Variants in LSAMP observed in about 807,000 individuals in gnomAD.
LSAMP encodes limbic system-associated membrane protein.
Under a neutral mutation model 38.6 loss-of-function variants are expected in LSAMP, and 7 were observed. That is an observed-to-expected ratio of 0.18 (90% CI 0.10 to 0.34). The LOEUF is 0.34. Among genes scored for constraint, LSAMP ranks in the 10% least tolerant of loss-of-function variants. LSAMP has a pLI of 1.00. For synonymous variants in LSAMP, 154 were observed against 166.8 expected (o/e 0.92, Z 0.59); for missense variants, 313 against 420.0 (o/e 0.75, Z 2.23).
At chr3:115,961,827 A>C (rs1938635788) in intron 3 of LSAMP, among the ~76,000 whole-genome samples, 1 of 152,170 alleles carries the variant, frequency 6.6e-6, no homozygotes, top group Admixed American at 6.5e-5. Flanking sequence ...CGCTGACAAC[A>C]ATAATCAGCA....
intron 1 of LSAMP, among the ~76,000 whole-genome samples, chr3:116,257,439 T>C (rs2046766295): frequency 6.6e-6 from 1 of 152,178 alleles, no homozygotes; most frequent in African/African-American, 2.4e-5. Flanking sequence ...TTGGATAGTT[T>C]TCTTGAGCAG....
At chr3:115,979,469 C>T (rs1939294421) in intron 3 of LSAMP, among the ~76,000 whole-genome samples, 1 of 152,040 alleles carries the variant, frequency 6.6e-6, no homozygotes. Flanking sequence ...GAGTTAGATA[C>T]AAGTATTGCT....
chr3:116,243,665 A>G (rs370863359), intron 1 of LSAMP, among the ~76,000 whole-genome samples: 8 of 152,296 alleles, frequency 5.3e-5, no homozygotes, highest in East Asian at 3.9e-4. Context: ...CAGCCATTCA[A>G]TTTGAAGAGA....
chr3:116,180,452 G>A (rs1035229010), intron 1 of LSAMP, among the ~76,000 whole-genome samples: 1 of 151,684 alleles, frequency 6.6e-6, no homozygotes, highest in Non-Finnish European at 1.5e-5. Context: ...TACCTGTTAC[G>A]GTGAGGAAAA....
At chr3:116,215,343 C>T (rs13316221) in intron 1 of LSAMP, among the ~76,000 whole-genome samples, 2,268 of 152,054 alleles carry the variant, frequency 0.015, 28 homozygotes, top group Middle Eastern at 0.027. Flanking sequence ...AACATGAGAC[C>T]GATTTCTGGC....
chr3:116,390,016 C>T (rs1044461999), intron 1 of LSAMP, among the ~76,000 whole-genome samples: 2 of 152,010 alleles, frequency 1.3e-5, no homozygotes, highest in Non-Finnish European at 2.9e-5. Context: ...GTTGTGAATG[C>T]TACAGATAGA....
chr3:115,999,890 A>G (rs1939939244), intron 3 of LSAMP, among the ~76,000 whole-genome samples: 1 of 152,152 alleles, frequency 6.6e-6, no homozygotes, highest in Non-Finnish European at 1.5e-5. Context: ...GCCACTGCAC[A>G]GCTGTCAGCT....
chr3:116,397,102 A>G (rs1033471069), intron 1 of LSAMP, among the ~76,000 whole-genome samples: 1 of 152,154 alleles, frequency 6.6e-6, no homozygotes, highest in African/African-American at 2.4e-5. Context: ...TCCTCTTCCC[A>G]AATGGCACTT....
chr3:116,332,613 G>C (rs2047865528), intron 1 of LSAMP, among the ~76,000 whole-genome samples: 1 of 152,052 alleles, frequency 6.6e-6, no homozygotes, highest in Non-Finnish European at 1.5e-5. Flanking sequence ...GAAGTAAGTA[G>C]CAAAAAGATA....
chr3:116,156,628 C>T (rs1450762559), intron 1 of LSAMP, among the ~76,000 whole-genome samples: 1 of 152,160 alleles, frequency 6.6e-6, no homozygotes, highest in Non-Finnish European at 1.5e-5. Flanking sequence ...CTACATTCAA[C>T]AGTATTAATC....
intron 6 of LSAMP, among the ~76,000 whole-genome samples, chr3:115,818,271 C>G (rs1299399298): frequency 6.6e-6 from 1 of 152,118 alleles, no homozygotes; most frequent in African/African-American, 2.4e-5. Flanking sequence ...AGCCTCTTAG[C>G]TTATTATGGT....
At chr3:116,261,139 G>T (rs995886439) in intron 1 of LSAMP, among the ~76,000 whole-genome samples, 1 of 152,102 alleles carries the variant, frequency 6.6e-6, no homozygotes, top group Non-Finnish European at 1.5e-5. Context: ...TATAGCACTC[G>T]TAGATAGTGA....
intron 1 of LSAMP, among the ~76,000 whole-genome samples, chr3:116,331,052 T>C (rs976918805): frequency 6.6e-6 from 1 of 151,792 alleles, no homozygotes; most frequent in Non-Finnish European, 1.5e-5. Context: ...AGTATAAATA[T>C]CAATAAATAG....
intron 6 of LSAMP, among the ~76,000 whole-genome samples, chr3:115,826,764 C>CT (rs1458766600): frequency 6.6e-6 from 1 of 152,172 alleles, no homozygotes; most frequent in African/African-American, 2.4e-5. Context: ...TAACCTCTTT[C>CT]TTGTGTTCCT....
At chr3:116,331,310 A>T (rs2047849567) in intron 1 of LSAMP, among the ~76,000 whole-genome samples, 1 of 152,222 alleles carries the variant, frequency 6.6e-6, no homozygotes. Flanking sequence ...CAGATAGGGA[A>T]GAGAAAGGGA....
At chr3:116,328,583 T>C (rs557459143) in intron 1 of LSAMP, among the ~76,000 whole-genome samples, 38 of 152,260 alleles carry the variant, frequency 2.5e-4, no homozygotes, top group African/African-American at 9.1e-4. Context: ...ACATTTAATA[T>C]GCGGAACTAG....
intron 3 of LSAMP, among the ~76,000 whole-genome samples, chr3:115,892,130 A>G (rs544538895): frequency 6.6e-6 from 1 of 152,092 alleles, no homozygotes; most frequent in South Asian, 2.1e-4. Context: ...AATTCTTCCA[A>G]GCATCAGACC....
intron 1 of LSAMP, among the ~76,000 whole-genome samples, chr3:116,309,140 C>CTT (rs2047523388): frequency 6.6e-6 from 1 of 151,988 alleles, no homozygotes; most frequent in African/African-American, 2.4e-5. Context: ...ACAAACTATT[C>CTT]TTTGTTCTAT....
At chr3:115,954,271 T>G (rs1171205586) in intron 3 of LSAMP, among the ~76,000 whole-genome samples, 2 of 152,154 alleles carry the variant, frequency 1.3e-5, no homozygotes, top group Admixed American at 1.3e-4. Flanking sequence ...AGTTTTACTG[T>G]GGATAGCCTA....
Sources: allele counts gnomAD v4.1 joint callset (sites outside exome capture counted in the v4.1 genomes callset), GRCh38; gene constraint gnomAD v4.1.1; transcripts MANE v1.5; gene names NCBI Gene and HGNC (gene_info 2026-07-23, HGNC 2026-07-21).